Variants in TSLP observed in about 807,000 individuals in gnomAD.
TSLP encodes the protein thymic stromal lymphopoietin, also known as thymic stroma-derived lymphopoietin.
A neutral mutation model predicts 12.4 loss-of-function variants in TSLP; 12 were observed. The observed-to-expected ratio is 0.97, with a 90% confidence interval of 0.62 to 1.57. The LOEUF (loss-of-function observed/expected upper bound fraction) is 1.57, where lower values mean the gene tolerates loss of function less well. TSLP is among the 40% of genes most tolerant of loss of function. The pLI, the probability that TSLP is intolerant of heterozygous loss-of-function variation, is 0.00. For missense variants in TSLP, 222 were observed against 189.6 expected (o/e 1.17, Z -1.00); for synonymous variants, 97 against 69.5 (o/e 1.40, Z -1.97).
chr5:111,073,251 C>A, intron 2 of TSLP: 1 of 1,398,984 alleles, frequency 7.1e-7, no homozygotes, highest in Non-Finnish European at 9.3e-7. Context: ...CAGCCTCCGC[C>A]CCCTGGAGAC....
chr5:111,072,428 G>A (rs1478902217), intron 1 of TSLP, among the ~76,000 whole-genome samples: 1 of 152,198 alleles, frequency 6.6e-6, no homozygotes, highest in Non-Finnish European at 1.5e-5. Context: ...AAGGATTGAT[G>A]CTGTGCTCCA....
chr5:111,071,455 T>G, upstream of TSLP: 1 of 1,533,072 alleles, frequency 6.5e-7, no homozygotes, highest in Non-Finnish European at 8.8e-7. Flanking sequence ...AAGACACTGG[T>G]ATCCGTTTCT....
At chr5:111,073,013 G>A in intron 2 of TSLP, 81 bp downstream of exon 2, 2 of 1,522,896 alleles carry the variant, frequency 1.3e-6, no homozygotes, top group Non-Finnish European at 9.1e-7. Flanking sequence ...GCTACGTGCA[G>A]AACTCCGAGA....
chr5:111,071,434 C>T (rs757611714), upstream of TSLP: 1 of 1,519,052 alleles, frequency 6.6e-7, no homozygotes, highest in East Asian at 2.5e-5. Context: ...ACGGAAATGC[C>T]CTGTAGGAGA....
In TSLP at chr5:111,071,889, G is replaced by C. The variant is rs762233899; in HGVS notation, c.-2G>C. On this transcript the variant is annotated 5_prime_UTR_variant, in exon 1 of 4. Transcript: ENST00000344895. ...AACTGGGGTGGAATTGGGTGTCCAC[G>C]TATGTTCCCTTTTGCCTTACTATAT... 8 of 1,613,562 alleles carry C rather than the reference G, an allele frequency of 5.0e-6. No homozygotes were observed. The Admixed American group carries it at 8.3e-5, about 17-fold the overall frequency.
In TSLP at chr5:111,076,415, T is replaced by G. The variant is rs1291420879; in HGVS notation, c.*341T>G. ...AAAGGAAAAATATTGAACTCAATGA[T>G]AGCACCTAAACTTACATTTAAAAGA... On this transcript the variant is annotated 3_prime_UTR_variant, in exon 4 of 4. Coordinates refer to ENST00000344895, the MANE Select transcript of TSLP (RefSeq NM_033035.5). 4.4e-6 allele frequency: 1 copy of G among 226,426 alleles called. No homozygotes were observed. Among genetic ancestry groups the G allele is most frequent in the Non-Finnish European group, 8.6e-6 (1 of 115,846 alleles). The allele number at this position is 226,426 out of a possible 1,614,324, so 14.0% of individuals were successfully genotyped here.
In TSLP at chr5:111,077,607, A is replaced by G. The variant is rs1358341000; in HGVS notation, c.*1533A>G. 1 of 152,618 alleles carries G rather than the reference A, an allele frequency of 6.6e-6. No individual in the cohort carries two copies. The highest frequency in any genetic ancestry group is 1.5e-5 in the Non-Finnish European group (1 of 68,028). 9.5% of individuals were successfully genotyped at this position (152,618 alleles called of 1,614,324 possible). On this transcript the variant is annotated 3_prime_UTR_variant, in exon 4 of 4. Coordinates refer to ENST00000344895, the MANE Select transcript of TSLP (RefSeq NM_033035.5). ...ATTTTAGTAGGGATTCACTGACTAGATTTTACTGAACTATGAAAATAAATA... is the reference window on the plus strand; with the variant it reads ...ATTTTAGTAGGGATTCACTGACTAGGTTTTACTGAACTATGAAAATAAATA...
chr5:111,071,383 TG>T, upstream of TSLP: 2 of 1,444,452 alleles, frequency 1.4e-6, no homozygotes, highest in Non-Finnish European at 1.8e-6. Flanking sequence ...CAGTGGCTGC[TG>T]GTTTCAGAAG....
intron 1 of TSLP, 43 bp downstream of exon 1, chr5:111,072,104 A>G: frequency 6.5e-7 from 1 of 1,544,012 alleles, no homozygotes. Context: ...TTTTCATCAG[A>G]GGAGTCGGCA....
At chr5:111,073,078 A>G in intron 2 of TSLP, 146 bp downstream of exon 2, 1 of 1,019,010 alleles carries the variant, frequency 9.8e-7, no homozygotes, top group Non-Finnish European at 1.5e-6. Context: ...CTGGGCTGTC[A>G]GAGCGGGGCT....
rs781307526 is a variant in TSLP, at chr5:111,072,055, G to A, written c.165G>A (p.Met55Ile). ...TTTCTAAAGACCTGATTACATATAT[G>A]AGTGGGGTAAGTGAAGAAGCTTTTT... ...STISKDLITY[M>I]SGTKSTEFNN... is the part of the protein sequence containing the mutation. The change falls in exon 1 of 4, where the codon ATG becomes ATA. Residue 55 changes from methionine to isoleucine, a missense_variant. Met to Ile is a conservative substitution (Grantham distance 10). Coordinates refer to ENST00000344895, the MANE Select transcript of TSLP (RefSeq NM_033035.5). 4.3e-6 allele frequency: 7 copies of A among 1,610,106 alleles called. No homozygotes were observed. Among genetic ancestry groups the A allele is most frequent in the South Asian group, 2.2e-5 (2 of 90,736 alleles).
chr5:111,075,829 G>A lies in TSLP; in HGVS notation c.352-117G>A, dbSNP rs937433069. On this transcript the variant is annotated intron_variant, in intron 3 of 3. Transcript: ENST00000344895. ...GCACATGCTAGCACATAGTAAGCAG[G>A]TGCTTTGGAGACACACTGAAAGATG... 15 of 1,053,434 alleles carry A rather than the reference G, an allele frequency of 1.4e-5. No homozygotes were observed. The African/African-American group carries it at 2.4e-4, about 17-fold the overall frequency. The allele number at this position is 1,053,434 out of a possible 1,614,324, so 65.3% of individuals were successfully genotyped here. A position where few individuals can be genotyped will look rare whatever the true frequency, so the allele number is the denominator to read the frequency against.
chr5:111,073,390 T>A (rs1752397548), intron 2 of TSLP, 121 bp from the exon 3 acceptor site: 1 of 1,551,766 alleles, frequency 6.4e-7, no homozygotes, highest in Admixed American at 1.9e-5. Context: ...TCTCTGACTC[T>A]CGACTTGTGT....
chr5:111,071,874 G>T lies in TSLP; in HGVS notation c.-17G>T. 1.9e-6 allele frequency: 3 copies of T among 1,610,728 alleles called. No individual in the cohort carries two copies. The highest frequency in any genetic ancestry group is 1.1e-5 in the South Asian group (1 of 90,778). On this transcript the variant is annotated 5_prime_UTR_variant, in exon 1 of 4. Coordinates refer to ENST00000344895, the MANE Select transcript of TSLP (RefSeq NM_033035.5). ...AAGAGTTTAGTGTGAAACTGGGGTGGAATTGGGTGTCCACGTATGTTCCCT... is the reference window on the plus strand; with the variant it reads ...AAGAGTTTAGTGTGAAACTGGGGTGTAATTGGGTGTCCACGTATGTTCCCT...
chr5:111,073,293 T>G (rs1460252604), intron 2 of TSLP: 1 of 1,420,930 alleles, frequency 7.0e-7, no homozygotes, highest in Non-Finnish European at 9.1e-7. Context: ...GACAGTCTTT[T>G]CGCGACGAGT....
At chr5:111,074,627 C>CTTTTTT (rs35180980) in intron 3 of TSLP, among the ~76,000 whole-genome samples, 3 of 110,328 alleles carry the variant, frequency 2.7e-5, no homozygotes, top group Non-Finnish European at 1.8e-5. Context: ...ACGACTGTCA[C>CTTTTTT]TTTTTTTTTT....
Position 111,076,181 on chromosome 5 carries a change from T to C in TSLP, c.*107T>C. 7.6e-7 allele frequency: 1 copy of C among 1,309,822 alleles called. No homozygotes were observed. Among genetic ancestry groups the C allele is most frequent in the Non-Finnish European group, 1.1e-6 (1 of 932,942 alleles). 81.1% of individuals were successfully genotyped at this position (1,309,822 alleles called of 1,614,324 possible). A position where few individuals can be genotyped will look rare whatever the true frequency, so the allele number is the denominator to read the frequency against. Reference sequence around the variant, plus strand: ...ACAAAGAAGACCACAAATAGTTATCTTTTAATTACAGAAGAGTTTCTTAAC... The same window carrying C: ...ACAAAGAAGACCACAAATAGTTATCCTTTAATTACAGAAGAGTTTCTTAAC... On this transcript the variant is annotated 3_prime_UTR_variant, in exon 4 of 4. Coordinates refer to ENST00000344895, the MANE Select transcript of TSLP (RefSeq NM_033035.5).
chr5:111,075,917 T>C (rs901538347), intron 3 of TSLP, 29 bp from the exon 4 acceptor site: 6 of 1,605,016 alleles, frequency 3.7e-6, no homozygotes, highest in Non-Finnish European at 4.3e-6. Flanking sequence ...TGAAAAGTAA[T>C]TTTGACTATT....
At chr5:111,071,630 A>G, upstream of TSLP, 2 of 1,458,202 alleles carry the variant, frequency 1.4e-6, no homozygotes, top group Non-Finnish European at 1.8e-6. Flanking sequence ...GAAGAGAATG[A>G]CATGGTAGAA....
Sources: gnomAD v4.1 joint callset for allele counts (sites outside exome capture counted in the v4.1 genomes callset) on GRCh38, gnomAD v4.1.1 for gene constraint, MANE v1.5 for transcripts, NCBI Gene and HGNC (gene_info 2026-07-23, HGNC 2026-07-21) for gene names.